VWA5B1: variants seen among roughly 807,000 people sequenced by gnomAD.
The protein encoded by VWA5B1 is von Willebrand factor A domain containing 5B1, also known as von Willebrand factor A domain-containing protein 5B1.
In VWA5B1, 115 loss-of-function variants were observed where a neutral mutation model predicts 118.2. That is an observed-to-expected ratio of 0.97 (90% CI 0.84 to 1.14). VWA5B1 has a LOEUF of 1.14. VWA5B1 is among the 50% of genes most tolerant of loss of function. VWA5B1 has a pLI of 0.00. For synonymous variants in VWA5B1, 682 were observed against 658.4 expected, an observed-to-expected ratio of 1.04 and a Z score of -0.55; for missense variants, 1,596 against 1,603.8, an observed-to-expected ratio of 1.00 and a Z score of 0.08.
rs2089528403 is a variant in VWA5B1 at position 20,330,796 on chromosome 1, T to C, written c.1458-73T>C. On this transcript the variant is annotated intron_variant, in intron 10 of 21. Coordinates refer to ENST00000289815, the MANE Select transcript of VWA5B1 (RefSeq NM_001039500.3). Reference sequence around the variant, plus strand: ...CAAGATCCTGCCAGACCATGCTCTGTCCCTTTCTGCATCAGGAGGCAAAGA... The same window carrying C: ...CAAGATCCTGCCAGACCATGCTCTGCCCCTTTCTGCATCAGGAGGCAAAGA... 4 of 1,403,470 alleles carry C rather than the reference T, an allele frequency of 2.9e-6. No homozygotes were observed. In the Admixed American group the frequency reaches 7.9e-5, roughly 28 times the overall value. 86.9% of individuals were successfully genotyped at this position (1,403,470 alleles called of 1,614,324 possible). A position where few individuals can be genotyped will look rare whatever the true frequency, so the allele number is the denominator to read the frequency against.
Position 20,318,673 on chromosome 1 carries a change from A to C in VWA5B1, c.793A>C (p.Asn265His). 1 of 1,546,610 alleles carries C rather than the reference A, an allele frequency of 6.5e-7. No individual in the cohort carries two copies. Among genetic ancestry groups the C allele is most frequent in the African/African-American group, 1.4e-5 (1 of 73,098 alleles). ...SAKSIIITLA[N>H]KHTFDRPVEI... ...CAAGAGCATCATCATCACCTTGGCC[A>C]ACAAGCACACCTTTGACCGGCCTGT... The change falls in exon 6 of 22, where the codon AAC becomes CAC. Residue 265 changes from asparagine to histidine, a missense_variant. By Grantham distance (68) the Asn-to-His change is moderately conservative. Coordinates refer to ENST00000289815, the MANE Select transcript of VWA5B1 (RefSeq NM_001039500.3).
At chr1:20,323,962 A>G (rs984499702) in intron 8 of VWA5B1, among the ~76,000 whole-genome samples, 6 of 152,184 alleles carry the variant, frequency 3.9e-5, no homozygotes, top group African/African-American at 1.4e-4. Flanking sequence ...TTCCATATAG[A>G]AAAGCTGATC....
At chr1:20,313,739 A>G (rs557847472) in intron 3 of VWA5B1, among the ~76,000 whole-genome samples, 86 of 152,376 alleles carry the variant, frequency 5.6e-4, no homozygotes, top group African/African-American at 2.0e-3. Context: ...TGTAATGTGC[A>G]AAGTTGTCCC....
In VWA5B1 at chr1:20,333,705, G is replaced by A. The variant is rs574960773; in HGVS notation, c.1758+754G>A. Among the ~76,000 whole-genome samples the A allele has an allele frequency of 1.8e-3, 272 of 152,312 alleles. 1 individual carries two copies. Among genetic ancestry groups the A allele is most frequent in the African/African-American group, 6.4e-3 (266 of 41,564 alleles). ...ATTTCTTTACGTGGATGATTCCCTT[G>A]TCTGTGGTGGCAGAAGTGGGATGAA... On this transcript the variant is annotated intron_variant, in intron 12 of 21. Transcript: ENST00000289815.
chr1:20,319,456 A>C lies in VWA5B1; in HGVS notation c.916A>C (p.Arg306=). 1 of 1,551,806 alleles carries C rather than the reference A, an allele frequency of 6.4e-7. No individual in the cohort carries two copies. Among genetic ancestry groups the C allele is most frequent in the Non-Finnish European group, 8.7e-7 (1 of 1,147,016 alleles). The change falls in exon 7 of 22, where the codon AGA becomes CGA. Residue 306 remains arginine (R), a synonymous_variant. Coordinates refer to ENST00000289815, the MANE Select transcript of VWA5B1 (RefSeq NM_001039500.3). ...LGEFDQHLKG[R]TDFIKGMKKK... is the part of the protein sequence containing the mutation. ...AGAGTTTGACCAGCACTTGAAGGGA[A>C]GAACAGATTTCATTAAAGGGATGAA... is the stretch of plus-strand genomic sequence containing the variant.
At chr1:20,320,085 G>T (rs185842079) in intron 7 of VWA5B1, among the ~76,000 whole-genome samples, 26 of 152,330 alleles carry the variant, frequency 1.7e-4, no homozygotes, top group Admixed American at 8.5e-4. Context: ...CACACCCCAT[G>T]CTCTGCCTCC....
chr1:20,342,404 C>G, intron 14 of VWA5B1, 28 bp from the exon 15 acceptor site: 1 of 1,547,462 alleles, frequency 6.5e-7, no homozygotes, highest in African/African-American at 1.4e-5. Context: ...TCCTCCTCCT[C>G]TTTCTCTTTC....
intron 14 of VWA5B1, 82 bp from the exon 15 acceptor site, chr1:20,342,350 C>G (rs2089896946): frequency 1.4e-6 from 2 of 1,438,478 alleles, no homozygotes; most frequent in Admixed American, 4.1e-5. Flanking sequence ...GGTCCAGCCA[C>G]CAGGAGCTCT....
At chr1:20,312,778 C>T in intron 2 of VWA5B1, 58 bp from the exon 3 acceptor site, 1 of 1,485,770 alleles carries the variant, frequency 6.7e-7, no homozygotes, top group African/African-American at 1.4e-5. Flanking sequence ...TCCTTCCAGG[C>T]AAGGGGTGTG....
At position 20,343,034 on chromosome 1, in the gene VWA5B1, T is replaced by TGTCCCCCA. The variant is rs756923618; in HGVS notation, c.2312-43_2312-36dup. The TGTCCCCCA allele has an allele frequency of 5.1e-4, 745 of 1,467,862 alleles. 2 individuals are homozygous for TGTCCCCCA. The highest frequency in any genetic ancestry group is 6.4e-4 in the Non-Finnish European group (712 of 1,104,536). 90.9% of individuals were successfully genotyped at this position (1,467,862 alleles called of 1,614,324 possible). A position where few individuals can be genotyped will look rare whatever the true frequency, so the allele number is the denominator to read the frequency against. ...TGATGTCCCCTGGGAGTTGGCCGTCTGTCCCCCAGGTCAGCGCTTGGCCCA... is the reference window on the plus strand; with the variant it reads ...TGATGTCCCCTGGGAGTTGGCCGTCTGTCCCCCAGTCCCCCAGGTCAGCGCTTGGCCCA... On this transcript the variant is annotated intron_variant, in intron 15 of 21. Transcript: ENST00000289815.
intron 20 of VWA5B1, among the ~76,000 whole-genome samples, chr1:20,351,262 T>C (rs1419584445): frequency 1.3e-5 from 2 of 152,194 alleles, no homozygotes; most frequent in Non-Finnish European, 2.9e-5. Flanking sequence ...CTCACACGTG[T>C]AATCCCAGCA....
chr1:20,291,868 A>G (rs1037859158), intron 1 of VWA5B1, among the ~76,000 whole-genome samples: 1 of 152,144 alleles, frequency 6.6e-6, no homozygotes, highest in African/African-American at 2.4e-5. Flanking sequence ...CTAACGCATC[A>G]AGCCTCCGCT....
At chr1:20,300,668 C>T (rs1253045598) in intron 1 of VWA5B1, among the ~76,000 whole-genome samples, 3 of 152,196 alleles carry the variant, frequency 2.0e-5, no homozygotes, top group East Asian at 1.9e-4. Context: ...CTGAGGGTTA[C>T]TAGAACTAAT....
intron 1 of VWA5B1, among the ~76,000 whole-genome samples, chr1:20,302,001 C>A (rs116616764): frequency 6.6e-6 from 1 of 152,132 alleles, no homozygotes; most frequent in Non-Finnish European, 1.5e-5. Flanking sequence ...ACACGCTTAG[C>A]CCAGATAGAT....
At chr1:20,326,384 G>A (rs2089380714) in intron 8 of VWA5B1, among the ~76,000 whole-genome samples, 1 of 152,092 alleles carries the variant, frequency 6.6e-6, no homozygotes, top group South Asian at 2.1e-4. Context: ...GGGGACATGG[G>A]GGTGAGGGGG....
Position 20,323,490 on chromosome 1 carries a change from C to T in VWA5B1, c.1101C>T (p.Asp367=). The change falls in exon 8 of 22, where the codon GAC becomes GAT. Residue 367 remains aspartate, a synonymous_variant. Coordinates refer to ENST00000289815, the MANE Select transcript of VWA5B1 (RefSeq NM_001039500.3). ...ACGGGGAGTTCATCTTCCTCATTGA[C>T]AGGAGCAGCAGCATGAGCGGGATCA... is the stretch of plus-strand genomic sequence containing the variant. ...KAHGEFIFLI[D]RSSSMSGISM... The T allele has an allele frequency of 3.9e-6, 6 of 1,524,424 alleles. No homozygotes were observed. The highest frequency in any genetic ancestry group is 5.3e-6 in the Non-Finnish European group (6 of 1,134,060). The allele number at this position is 1,524,424 out of a possible 1,614,324, so 94.4% of individuals were successfully genotyped here. A position where few individuals can be genotyped will look rare whatever the true frequency, so the allele number is the denominator to read the frequency against.
intron 11 of VWA5B1, 23 bp from the exon 12 acceptor site, chr1:20,332,743 T>C (rs1482383764): frequency 1.9e-6 from 3 of 1,549,638 alleles, no homozygotes; most frequent in African/African-American, 1.4e-5. Context: ...ATCCCCCAAC[T>C]GCATTCTGAC....
At position 20,358,287 on chromosome 1, in the gene VWA5B1, CCTT is replaced by C. The variant is rs2090263852; in HGVS notation, c.*4027_*4029del. 6.6e-6 allele frequency among the ~76,000 whole-genome samples: 1 copy of C among 152,204 alleles called. No individual in the cohort carries two copies. Among genetic ancestry groups the C allele is most frequent in the Non-Finnish European group, 1.5e-5 (1 of 68,042 alleles). On this transcript the variant is annotated 3_prime_UTR_variant, in exon 22 of 22. Coordinates refer to ENST00000289815, the MANE Select transcript of VWA5B1 (RefSeq NM_001039500.3). ...AGAGACATGAAAAGCAAGGGTTCCT[CCTT>C]CTCCCTTCCAGCTGGTTCACCAGGA... is the stretch of plus-strand genomic sequence containing the variant.
intron 1 of VWA5B1, among the ~76,000 whole-genome samples, chr1:20,302,014 C>T (rs140282690): frequency 4.5e-4 from 68 of 152,264 alleles, no homozygotes; most frequent in African/African-American, 1.6e-3. Context: ...AGATAGATGG[C>T]CCTCATTTAT....
Sources: allele counts gnomAD v4.1 joint callset (sites outside exome capture counted in the v4.1 genomes callset), GRCh38; gene constraint gnomAD v4.1.1; transcripts MANE v1.5; gene names NCBI Gene and HGNC (gene_info 2026-07-23, HGNC 2026-07-21).